ATP6V0D1: variants seen among roughly 807,000 people sequenced by gnomAD.
ATP6V0D1 encodes ATPase H+ transporting V0 subunit d1, also known as V-type proton ATPase subunit d 1.
ATP6V0D1 carries 13 observed loss-of-function variants against 39.0 expected under a neutral mutation model. The observed-to-expected ratio is 0.33, with a 90% confidence interval of 0.22 to 0.53. The LOEUF is 0.53. Ranked by LOEUF, ATP6V0D1 falls within the 20% of genes least tolerant of loss-of-function variation. ATP6V0D1 has a pLI of 0.94. For missense variants in ATP6V0D1, 272 were observed against 470.9 expected, an observed-to-expected ratio of 0.58 and a Z score of 3.91; for synonymous variants, 191 against 191.2, an observed-to-expected ratio of 1.00 and a Z score of 0.01.
At chr16:67,442,760 A>G (rs2041067625) in intron 4 of ATP6V0D1, among the ~76,000 whole-genome samples, 1 of 152,104 alleles carries the variant, frequency 6.6e-6, no homozygotes, top group African/African-American at 2.4e-5. Context: ...TAGCTTAGGT[A>G]GGGCGGTTCC....
At chr16:67,470,781 G>A (rs777929715) in intron 1 of ATP6V0D1, among the ~76,000 whole-genome samples, 3 of 148,286 alleles carry the variant, frequency 2.0e-5, no homozygotes, top group Admixed American at 6.8e-5. Context: ...CTGGTAGCCC[G>A]TATCTCAAAA....
At chr16:67,451,844 A>C (rs1380227181) in intron 2 of ATP6V0D1, among the ~76,000 whole-genome samples, 1 of 152,236 alleles carries the variant, frequency 6.6e-6, no homozygotes, top group Non-Finnish European at 1.5e-5. Context: ...TCACGCTCAG[A>C]GCCCTCTCCA....
chr16:67,454,306 G>T (rs2041214339), intron 1 of ATP6V0D1, among the ~76,000 whole-genome samples: 1 of 152,212 alleles, frequency 6.6e-6, no homozygotes, highest in Non-Finnish European at 1.5e-5. Flanking sequence ...GTGACAAGTG[G>T]CCTGCAGGGC....
intron 1 of ATP6V0D1, among the ~76,000 whole-genome samples, chr16:67,462,189 T>C (rs565711123): frequency 6.6e-6 from 1 of 152,336 alleles, no homozygotes; most frequent in South Asian, 2.1e-4. Flanking sequence ...GGGACTGGCA[T>C]GTCCCAGGAG....
intron 1 of ATP6V0D1, among the ~76,000 whole-genome samples, chr16:67,472,851 C>T (rs2041384970): frequency 6.6e-6 from 1 of 152,190 alleles, no homozygotes. Context: ...GCCTGGGCAA[C>T]AGAGCAAGAC....
At chr16:67,460,580 G>A (rs1032716448) in intron 1 of ATP6V0D1, among the ~76,000 whole-genome samples, 4 of 152,130 alleles carry the variant, frequency 2.6e-5, no homozygotes, top group Non-Finnish European at 4.4e-5. Context: ...AGGGCCCTTC[G>A]CAGGCTCTCT....
intron 2 of ATP6V0D1, among the ~76,000 whole-genome samples, chr16:67,449,619 T>G (rs1349703833): frequency 2.0e-5 from 3 of 152,212 alleles, no homozygotes; most frequent in Non-Finnish European, 4.4e-5. Context: ...AGCTGCCTCT[T>G]CTCCAGCCAC....
In ATP6V0D1 at chr16:67,457,438, T is replaced by C. The variant is rs923200948; in HGVS notation, c.131-3723A>G. 6.3e-5 allele frequency: 35 copies of C among 556,738 alleles called. No homozygotes were observed. The East Asian group carries it at 1.8e-3, about 29-fold the overall frequency. 34.5% of individuals were successfully genotyped at this position (556,738 alleles called of 1,614,324 possible). On this transcript the variant is annotated intron_variant, in intron 1 of 7. Coordinates refer to ENST00000290949, the MANE Select transcript of ATP6V0D1 (RefSeq NM_004691.5). ...CTTGACCCAGGACAGGCTTTTCAGA[T>C]ACAGACTCAGCTGTCCAGACAGATT...
intron 2 of ATP6V0D1, chr16:67,452,526 G>T: frequency 1.2e-6 from 1 of 830,564 alleles, no homozygotes; most frequent in Non-Finnish European, 2.0e-6. Context: ...AAGAGTGGGG[G>T]CACCATAATC....
At chr16:67,438,744 T>C (rs776033590) in intron 7 of ATP6V0D1, 49 bp downstream of exon 7, 6 of 1,614,168 alleles carry the variant, frequency 3.7e-6, no homozygotes, top group East Asian at 2.2e-5. Context: ...GAGTCAGGTC[T>C]AAACCACCAG....
chr16:67,453,638 T>C lies in ATP6V0D1; in HGVS notation c.208A>G (p.Ile70Val). 6.2e-7 allele frequency: 1 copy of C among 1,614,204 alleles called. No individual in the cohort carries two copies. Among genetic ancestry groups the C allele is most frequent in the Non-Finnish European group, 8.5e-7 (1 of 1,180,034 alleles). ...ATCTTCTCCTTGAGCCGGTCATCGA[T>C]GACTGACACCGTCAGAGGTGATGCC... ...NEASPLTVSV[I>V]DDRLKEKMVV... The change falls in exon 2 of 8, where the codon ATC (isoleucine) becomes GTC (valine). Residue 70 changes from isoleucine to valine, a missense_variant. Ile to Val is a conservative substitution (Grantham distance 29). This residue lies in a region of ATP6V0D1 where 81 missense variants were observed against 96.0 expected (regional missense o/e 0.84). Transcript: ENST00000290949. This position sits in a 1 kb window ranked among gnomAD's most constrained non-coding sequence, Gnocchi z 4.1.
At position 67,444,472 on chromosome 16, in the gene ATP6V0D1, T is replaced by C; in HGVS notation, c.481+56A>G. 1 of 1,533,426 alleles carries C rather than the reference T, an allele frequency of 6.5e-7. No homozygotes were observed. The highest frequency in any genetic ancestry group is 1.9e-5 in the Admixed American group (1 of 54,022). 95.0% of individuals were successfully genotyped at this position (1,533,426 alleles called of 1,614,324 possible). A position where few individuals can be genotyped will look rare whatever the true frequency, so the allele number is the denominator to read the frequency against. ...CCCAGCGGGTCCACAAACCCCACCCTGATGCGCTGATGCTGACACCACTGC... is the reference window on the plus strand; with the variant it reads ...CCCAGCGGGTCCACAAACCCCACCCCGATGCGCTGATGCTGACACCACTGC... On this transcript the variant is annotated intron_variant, in intron 3 of 7. Coordinates refer to ENST00000290949, the MANE Select transcript of ATP6V0D1 (RefSeq NM_004691.5). The surrounding 1 kb of genome is among the most constrained non-coding windows in gnomAD (Gnocchi z 4.8).
At chr16:67,473,061 C>G (rs2041386967) in intron 1 of ATP6V0D1, among the ~76,000 whole-genome samples, 1 of 152,154 alleles carries the variant, frequency 6.6e-6, no homozygotes, top group Non-Finnish European at 1.5e-5. Context: ...ATGCATCTAT[C>G]CAGACCTCGC....
chr16:67,461,564 G>A (rs2142322784), intron 1 of ATP6V0D1, among the ~76,000 whole-genome samples: 1 of 152,340 alleles, frequency 6.6e-6, no homozygotes, highest in East Asian at 1.9e-4. Flanking sequence ...GGAAGAACCT[G>A]GAGTCTCCTG....
chr16:67,462,547 G>A (rs2041296788), intron 1 of ATP6V0D1, among the ~76,000 whole-genome samples: 1 of 152,214 alleles, frequency 6.6e-6, no homozygotes, highest in Admixed American at 6.5e-5. Context: ...GGCCGAGGCT[G>A]GGCACAGTGG....
At chr16:67,441,935 C>A (rs920253678) in intron 4 of ATP6V0D1, among the ~76,000 whole-genome samples, 4 of 152,238 alleles carry the variant, frequency 2.6e-5, no homozygotes, top group African/African-American at 7.2e-5. Flanking sequence ...ACCCTGCCCA[C>A]GGGACTATGT....
chr16:67,453,478 C>T lies in ATP6V0D1; in HGVS notation c.302+66G>A. 6.3e-7 allele frequency: 1 copy of T among 1,577,978 alleles called. No individual in the cohort carries two copies. Among genetic ancestry groups the T allele is most frequent in the East Asian group, 2.2e-5 (1 of 44,556 alleles). On this transcript the variant is annotated intron_variant, in intron 2 of 7. Coordinates refer to ENST00000290949, the MANE Select transcript of ATP6V0D1 (RefSeq NM_004691.5). The surrounding 1 kb of genome is among the most constrained non-coding windows in gnomAD (Gnocchi z 4.1). ...GGCAGCTAGCCTAAGCCACACTGAA[C>T]CCAGCTCCTGCAGGTGTAGCTATCC...
At position 67,444,394 on chromosome 16, in the gene ATP6V0D1, A is replaced by G; in HGVS notation, c.481+134T>C. Reference sequence around the variant, plus strand: ...AGAATCGGAGGAGGAAGTTGAAGGGAGACAAAGGTAAGCAGCAGTGGGCAG... The same window carrying G: ...AGAATCGGAGGAGGAAGTTGAAGGGGGACAAAGGTAAGCAGCAGTGGGCAG... On this transcript the variant is annotated intron_variant, in intron 3 of 7. Coordinates refer to ENST00000290949, the MANE Select transcript of ATP6V0D1 (RefSeq NM_004691.5). The surrounding 1 kb of genome is among the most constrained non-coding windows in gnomAD (Gnocchi z 4.8). 4.4e-6 allele frequency: 4 copies of G among 910,778 alleles called. No homozygotes were observed. The highest frequency in any genetic ancestry group is 6.4e-6 in the Non-Finnish European group (4 of 623,370). The allele number at this position is 910,778 out of a possible 1,614,324, so 56.4% of individuals were successfully genotyped here. A position where few individuals can be genotyped will look rare whatever the true frequency, so the allele number is the denominator to read the frequency against.
chr16:67,438,658 T>C lies in ATP6V0D1; in HGVS notation c.926A>G (p.Gln309Arg). 6.2e-7 allele frequency: 1 copy of C among 1,614,222 alleles called. No individual in the cohort carries two copies. The highest frequency in any genetic ancestry group is 8.5e-7 in the Non-Finnish European group (1 of 1,180,040). Residue 309 changes from glutamine (Q) to arginine (R), a missense_variant, in exon 8 of 8, where the codon CAG (glutamine) becomes CGG (arginine). Transcript: ENST00000290949. The stretch of plus-strand genomic sequence containing the variant: ...GGCATAGAAGACACCAAAGTGGAAC[T>C]GGTTCAGGAAGGCCAACTTGTTCAG... ...VKLNKLAFLN[Q>R]FHFGVFYAFV...
Sources: allele counts gnomAD v4.1 joint callset (sites outside exome capture counted in the v4.1 genomes callset), GRCh38; gene constraint gnomAD v4.1.1; regional missense constraint gnomAD v4.1.1; non-coding constraint Gnocchi (gnomAD v3.1); transcripts MANE v1.5; gene names NCBI Gene and HGNC (gene_info 2026-07-23, HGNC 2026-07-21).